Variants in TBX18 observed in about 807,000 individuals in gnomAD.
TBX18 encodes the protein T-box transcription factor 18, also known as T-box transcription factor TBX18.
TBX18 carries 21 observed loss-of-function variants against 55.0 expected under a neutral mutation model. That is an observed-to-expected ratio of 0.38 (90% CI 0.27 to 0.55). TBX18 has a LOEUF of 0.55. Ranked by LOEUF, TBX18 falls within the 20% of genes least tolerant of loss-of-function variation. The pLI, the probability that TBX18 is intolerant of heterozygous loss-of-function variation, is 0.73. For synonymous variants in TBX18, 342 were observed against 326.1 expected, an observed-to-expected ratio of 1.05 and a Z score of -0.53; for missense variants, 840 against 799.6, an observed-to-expected ratio of 1.05 and a Z score of -0.61.
rs927355816 is a variant in TBX18 at position 84,764,247 on chromosome 6, G to C, written c.-66C>G. The stretch of plus-strand genomic sequence containing the variant: ...CTCACGCGGGCACACGCGCGCTCTC[G>C]CTCTTCCCCCACCAAAAACTAAAAG... On this transcript the variant is annotated 5_prime_UTR_variant, in exon 1 of 8. Coordinates refer to ENST00000369663, the MANE Select transcript of TBX18 (RefSeq NM_001080508.3). 4.0e-5 allele frequency: 55 copies of C among 1,362,708 alleles called. No individual in the cohort carries two copies. Among genetic ancestry groups the C allele is most frequent in the Admixed American group, 7.7e-5 (2 of 25,948 alleles). 84.4% of individuals were successfully genotyped at this position (1,362,708 alleles called of 1,614,324 possible).
intron 4 of TBX18, among the ~76,000 whole-genome samples, chr6:84,755,475 A>C (rs973373790): frequency 1.3e-5 from 2 of 152,234 alleles, no homozygotes; most frequent in Admixed American, 1.3e-4. Flanking sequence ...ACACAGAAGA[A>C]ATCGGTGTTA....
intron 6 of TBX18, among the ~76,000 whole-genome samples, chr6:84,739,364 A>G (rs930686463): frequency 2.0e-5 from 3 of 152,174 alleles, no homozygotes; most frequent in Non-Finnish European, 2.9e-5. Context: ...TGACATACGT[A>G]TATTTTAAAA....
chr6:84,748,414 G>A (rs1767254392), intron 4 of TBX18, among the ~76,000 whole-genome samples: 1 of 152,120 alleles, frequency 6.6e-6, no homozygotes, highest in South Asian at 2.1e-4. Context: ...GGAACACAGA[G>A]TCCAAACCAA....
At chr6:84,749,448 T>A (rs1767281944) in intron 4 of TBX18, among the ~76,000 whole-genome samples, 1 of 152,076 alleles carries the variant, frequency 6.6e-6, no homozygotes, top group Admixed American at 6.6e-5. Flanking sequence ...AAGAAGATTC[T>A]TTACTTTCTG....
chr6:84,763,807 G>A (rs558538831), intron 1 of TBX18, 83 bp downstream of exon 1: 1 of 1,425,788 alleles, frequency 7.0e-7, no homozygotes, highest in African/African-American at 1.5e-5. Context: ...ATGTAGGGAC[G>A]CGGCGCGCAC....
At chr6:84,762,957 G>C in intron 1 of TBX18, 1 of 604,744 alleles carries the variant, frequency 1.7e-6, no homozygotes, top group Non-Finnish European at 2.9e-6. Flanking sequence ...GCTCCAGTGT[G>C]GCCTGCTTGG....
At chr6:84,756,648 T>C (rs1767495987) in intron 4 of TBX18, 50 bp downstream of exon 4, 1 of 1,539,472 alleles carries the variant, frequency 6.5e-7, no homozygotes, top group Non-Finnish European at 8.9e-7. Flanking sequence ...AGGCACAGTG[T>C]AGATGTGGCT....
At chr6:84,740,628 C>T (rs943686363) in intron 6 of TBX18, among the ~76,000 whole-genome samples, 4 of 152,088 alleles carry the variant, frequency 2.6e-5, no homozygotes, top group African/African-American at 9.7e-5. Context: ...AACTCTGGGT[C>T]CTGTTTAGCT....
In TBX18 at chr6:84,762,642, C is replaced by A. The variant is rs1767683843; in HGVS notation, c.399G>T (p.Leu133=). Reference sequence around the variant, plus strand: ...CCACCCGCGGGGCCTGCGGCGAGGGCAGAGGGGTCCCGGGCCGGGCCAGGG... The same window carrying A: ...CCACCCGCGGGGCCTGCGGCGAGGGAAGAGGGGTCCCGGGCCGGGCCAGGG... ...ARSLARPGTP[L]PSPQAPRVDL... Residue 133 remains leucine, a synonymous_variant, in exon 2 of 8, where the codon CTG becomes CTT. Coordinates refer to ENST00000369663, the MANE Select transcript of TBX18 (RefSeq NM_001080508.3). 2 of 1,611,316 alleles carry A rather than the reference C, an allele frequency of 1.2e-6. No homozygotes were observed. Among genetic ancestry groups the A allele is most frequent in the African/African-American group, 2.7e-5 (2 of 74,796 alleles).
chr6:84,748,242 G>A (rs925747082), intron 4 of TBX18, among the ~76,000 whole-genome samples, 155 bp from the exon 5 acceptor site: 1 of 152,050 alleles, frequency 6.6e-6, no homozygotes, highest in African/African-American at 2.4e-5. Context: ...AACTGGAGAA[G>A]GAAGGCTAAG....
intron 6 of TBX18, 117 bp downstream of exon 6, chr6:84,744,144 T>C (rs1422460608): frequency 2.1e-6 from 2 of 941,542 alleles, no homozygotes; most frequent in East Asian, 5.3e-5. Context: ...ACAGTCCTCA[T>C]CAGAAATGAT....
At chr6:84,755,921 A>G (rs1767474698) in intron 4 of TBX18, among the ~76,000 whole-genome samples, 2 of 152,230 alleles carry the variant, frequency 1.3e-5, no homozygotes, top group Non-Finnish European at 2.9e-5. Context: ...GAAATAAACA[A>G]GTTGGTATTT....
intron 5 of TBX18, among the ~76,000 whole-genome samples, chr6:84,747,618 G>A (rs1767230726): frequency 6.6e-6 from 1 of 151,290 alleles, no homozygotes; most frequent in Admixed American, 6.6e-5. Flanking sequence ...TATTCTACAT[G>A]TCTATTTTTT....
chr6:84,757,698 A>G (rs1378029092), intron 3 of TBX18, among the ~76,000 whole-genome samples: 3 of 152,038 alleles, frequency 2.0e-5, no homozygotes, highest in African/African-American at 7.2e-5. Context: ...ACTCAGTAAG[A>G]ATAATACATT....
At chr6:84,756,977 T>C in intron 3 of TBX18, 108 bp from the exon 4 acceptor site, 1 of 1,095,156 alleles carries the variant, frequency 9.1e-7, no homozygotes, top group African/African-American at 1.6e-5. Flanking sequence ...TTAAAATAAA[T>C]CAATTTCCTC....
rs1372551898 is a variant in TBX18, at chr6:84,764,570, C to G, written c.-389G>C. 1.7e-5 allele frequency: 3 copies of G among 176,910 alleles called. No homozygotes were observed. Among genetic ancestry groups the G allele is most frequent in the Non-Finnish European group, 3.5e-5 (3 of 85,116 alleles). The allele number at this position is 176,910 out of a possible 1,614,324, so 11.0% of individuals were successfully genotyped here. On this transcript the variant is annotated 5_prime_UTR_variant, in exon 1 of 8. Transcript: ENST00000369663. ...TGTAATTGAAATTTGTTGCCTTGAT[C>G]TGTCAGCACTTCCAGGCAGGAGAGC...
At position 84,752,794 on chromosome 6, in the gene TBX18, A is replaced by G. The variant is rs147200815; in HGVS notation, c.771+3904T>C. Among the ~76,000 whole-genome samples, 239 of 152,276 alleles carry G rather than the reference A, an allele frequency of 1.6e-3. 2 individuals are homozygous for G. Among genetic ancestry groups the G allele is most frequent in the African/African-American group, 5.4e-3 (225 of 41,548 alleles). On this transcript the variant is annotated intron_variant, in intron 4 of 7. Transcript: ENST00000369663. ...GCATCAGTATCACTGAGTCCTCAGC[A>G]GCTGGGAGTACAGGTCTTCCCACAG...
In TBX18 at chr6:84,762,673, G is replaced by A; in HGVS notation, c.368C>T (p.Ala123Val). The A allele has an allele frequency of 1.2e-6, 2 of 1,610,188 alleles. No homozygotes were observed. Among genetic ancestry groups the A allele is most frequent in the African/African-American group, 2.7e-5 (2 of 74,942 alleles). ...GGTCCCGGGCCGGGCCAGGGAGCGCGCCGGAGACCCCTTGGGGGAGCCTCC... is the reference window on the plus strand; with the variant it reads ...GGTCCCGGGCCGGGCCAGGGAGCGCACCGGAGACCCCTTGGGGGAGCCTCC... ...SPGGSPKGSP[A>V]RSLARPGTPL... Residue 123 changes from alanine (A) to valine (V), a missense_variant, in exon 2 of 8, where the codon GCG becomes GTG. Ala to Val is a moderately conservative substitution (Grantham distance 64, BLOSUM62 0). Transcript: ENST00000369663.
At chr6:84,744,573 T>C (rs2127873991) in intron 5 of TBX18, among the ~76,000 whole-genome samples, 1 of 152,270 alleles carries the variant, frequency 6.6e-6, no homozygotes, top group Non-Finnish European at 1.5e-5. Context: ...AGATATAAGT[T>C]AGTTTTGTTT....
Sources: gnomAD v4.1 joint callset for allele counts (sites outside exome capture counted in the v4.1 genomes callset) on GRCh38, gnomAD v4.1.1 for gene constraint, MANE v1.5 for transcripts, NCBI Gene and HGNC (gene_info 2026-07-23, HGNC 2026-07-21) for gene names.